PYHIN1: variants seen among roughly 807,000 people sequenced by gnomAD.
The protein encoded by PYHIN1 is pyrin and HIN domain-containing protein 1.
A neutral mutation model predicts 43.7 loss-of-function variants in PYHIN1; 32 were observed. The observed-to-expected ratio is 0.73, with a 90% CI of 0.55 to 0.98. The LOEUF (loss-of-function observed/expected upper bound fraction) is 0.98. Ranked by LOEUF, PYHIN1 falls within the 50% of genes least tolerant of loss-of-function variation. The pLI, the probability that PYHIN1 is intolerant of heterozygous loss-of-function variation, is 0.00. For synonymous variants in PYHIN1, 205 were observed against 203.1 expected (o/e 1.01, Z -0.08); for missense variants, 588 against 589.5 (o/e 1.00, Z 0.03).
downstream of PYHIN1, among the ~76,000 whole-genome samples, chr1:158,978,462 T>C (rs1034401505): frequency 6.6e-6 from 1 of 152,154 alleles, no homozygotes; most frequent in African/African-American, 2.4e-5. Flanking sequence ...CTTGAGAAGA[T>C]GTCACAAACT....
At chr1:158,941,956 T>C in intron 4 of PYHIN1, 21 bp from the exon 5 acceptor site, 1 of 1,543,380 alleles carries the variant, frequency 6.5e-7, no homozygotes, top group Admixed American at 2.1e-5. Context: ...CTTTTTTGTA[T>C]TCCTTTTGTA....
At chr1:158,981,818 C>A (rs532934329), downstream of PYHIN1, among the ~76,000 whole-genome samples, 1 of 152,088 alleles carries the variant, frequency 6.6e-6, no homozygotes, top group Non-Finnish European at 1.5e-5. Flanking sequence ...TATTTTTTGA[C>A]TTTTTAATAG....
chr1:158,953,540 CCTGT>C (rs1649718912), intron 7 of PYHIN1, among the ~76,000 whole-genome samples: 1 of 151,042 alleles, frequency 6.6e-6, no homozygotes, highest in Admixed American at 6.6e-5. Flanking sequence ...AGCTGAGGGT[CCTGT>C]CTGTTAGAAG....
chr1:158,977,828 G>A (rs1024403523), downstream of PYHIN1, among the ~76,000 whole-genome samples: 7 of 152,116 alleles, frequency 4.6e-5, no homozygotes, highest in Admixed American at 4.6e-4. Context: ...TAACATCCAG[G>A]TCTGTTGTTC....
At chr1:158,983,201 T>A in the PYHIN1 span, among the ~76,000 whole-genome samples, 1 of 151,916 alleles carries the variant, frequency 6.6e-6, no homozygotes, top group East Asian at 1.9e-4. Flanking sequence ...GTAGTGAGAG[T>A]AGGCAACTTT....
chr1:158,938,967 A>T, intron 3 of PYHIN1, 113 bp from the exon 4 acceptor site: 1 of 790,000 alleles, frequency 1.3e-6, no homozygotes. Context: ...GGATGTACTT[A>T]AGTTTCCAAG....
At chr1:158,960,180 T>G (rs980468564) in intron 7 of PYHIN1, among the ~76,000 whole-genome samples, 1 of 152,230 alleles carries the variant, frequency 6.6e-6, no homozygotes, top group African/African-American at 2.4e-5. Context: ...TTTATTCAAG[T>G]ATTATTTGAG....
At chr1:158,959,126 A>G (rs1650168464) in intron 7 of PYHIN1, among the ~76,000 whole-genome samples, 1 of 151,110 alleles carries the variant, frequency 6.6e-6, no homozygotes, top group African/African-American at 2.4e-5. Flanking sequence ...CTCCCTTTGC[A>G]GCGTTCCTCA....
In PYHIN1 at chr1:158,943,853, G is replaced by A. The variant is rs1231893264; in HGVS notation, c.1066G>A (p.Val356Ile). Residue 356 changes from valine (V) to isoleucine (I), a missense_variant, in exon 6 of 9, where the codon GTA (valine) becomes ATA (isoleucine). Val to Ile is a conservative substitution (Grantham distance 29). Transcript: ENST00000368140. ...GGATAAAACAGGAAGTATGGCTGTA[G>A]TAGGAAAAGGAGAATGCCACAATAT... ...IQDKTGSMAV[V>I]GKGECHNIPC... The A allele has an allele frequency of 6.2e-7, 1 of 1,610,624 alleles. No homozygotes were observed. Among genetic ancestry groups the A allele is most frequent in the Non-Finnish European group, 8.5e-7 (1 of 1,177,546 alleles).
intron 7 of PYHIN1, among the ~76,000 whole-genome samples, chr1:158,965,016 T>C (rs1650550931): frequency 6.6e-6 from 1 of 151,500 alleles, no homozygotes; most frequent in South Asian, 2.1e-4. Context: ...TGACACCCAT[T>C]GGCTCAAAAT....
At chr1:158,985,063 G>A in the PYHIN1 span, among the ~76,000 whole-genome samples, 1,470 of 152,076 alleles carry the variant, frequency 9.7e-3, 25 homozygotes, top group African/African-American at 0.033. Context: ...ATGTAAGGTG[G>A]GTCTCTTGAA....
the PYHIN1 span, among the ~76,000 whole-genome samples, chr1:158,982,927 T>G: frequency 6.6e-6 from 1 of 152,146 alleles, no homozygotes; most frequent in Non-Finnish European, 1.5e-5. Context: ...TGTTCTTGGT[T>G]TGGCTTTCAG....
chr1:158,945,060 C>T lies in PYHIN1; in HGVS notation c.1359+18C>T. 1.3e-6 allele frequency: 2 copies of T among 1,596,912 alleles called. No individual in the cohort carries two copies. The highest frequency in any genetic ancestry group is 8.5e-7 in the Non-Finnish European group (1 of 1,172,316). On this transcript the variant is annotated intron_variant, in intron 7 of 8. Transcript: ENST00000368140. ...TCACCAAGGTACAATATCCTGGGTCCCATGACTCTTATCTCCCAAATATAA... is the reference window on the plus strand; with the variant it reads ...TCACCAAGGTACAATATCCTGGGTCTCATGACTCTTATCTCCCAAATATAA...
At chr1:158,941,523 A>T (rs1369590032) in intron 4 of PYHIN1, among the ~76,000 whole-genome samples, 1 of 152,224 alleles carries the variant, frequency 6.6e-6, no homozygotes, top group East Asian at 1.9e-4. Flanking sequence ...CCCTGTCTAC[A>T]TTGGTAATAA....
chr1:158,956,335 A>T (rs950915919), intron 7 of PYHIN1, among the ~76,000 whole-genome samples: 3 of 152,236 alleles, frequency 2.0e-5, no homozygotes, highest in African/African-American at 7.2e-5. Context: ...CTTGATGAAC[A>T]TTGATGCACA....
At chr1:158,983,868 A>T in the PYHIN1 span, among the ~76,000 whole-genome samples, 1 of 151,946 alleles carries the variant, frequency 6.6e-6, no homozygotes, top group Non-Finnish European at 1.5e-5. Flanking sequence ...CAATCTTGGC[A>T]GGTTGTATGT....
intron 4 of PYHIN1, 148 bp from the exon 5 acceptor site, chr1:158,941,829 A>C: frequency 1.6e-6 from 1 of 635,728 alleles, no homozygotes; most frequent in Non-Finnish European, 2.6e-6. Flanking sequence ...CTACTTCAGA[A>C]TATCCTCTCC....
intron 7 of PYHIN1, among the ~76,000 whole-genome samples, chr1:158,968,365 A>T (rs958055582): frequency 1.4e-4 from 21 of 152,158 alleles, no homozygotes; most frequent in Non-Finnish European, 5.9e-5. Flanking sequence ...ACTAATTATT[A>T]GAGAAATGCA....
chr1:158,935,979 T>G (rs568317244), intron 1 of PYHIN1, among the ~76,000 whole-genome samples: 51 of 152,268 alleles, frequency 3.3e-4, no homozygotes, highest in Non-Finnish European at 6.8e-4. Context: ...AAAGCAAAAG[T>G]TCTTCACTCA....
Sources: allele counts gnomAD v4.1 joint callset (sites outside exome capture counted in the v4.1 genomes callset), GRCh38; gene constraint gnomAD v4.1.1; transcripts MANE v1.5; gene names NCBI Gene and HGNC (gene_info 2026-07-23, HGNC 2026-07-21).